Variants in SMAP1 observed in about 807,000 individuals in gnomAD.
SMAP1 encodes the protein stromal membrane-associated protein 1.
Under a neutral mutation model 58.5 loss-of-function variants are expected in SMAP1, and 24 were observed. The ratio of observed to expected loss-of-function variants is 0.41; its 90% CI spans 0.30 to 0.58. The LOEUF (loss-of-function observed/expected upper bound fraction) is 0.58. SMAP1 is among the 20% of genes least tolerant of loss of function. SMAP1 has a pLI of 0.29. For synonymous variants in SMAP1, 216 were observed against 196.6 expected, an observed-to-expected ratio of 1.10 and a Z score of -0.82; for missense variants, 563 against 566.3, an observed-to-expected ratio of 0.99 and a Z score of 0.06.
Position 70,783,784 on chromosome 6 carries a change from A to C in SMAP1, c.415-7905A>C, listed in dbSNP as rs185029219. Among the ~76,000 whole-genome samples the C allele has an allele frequency of 1.8e-3, 275 of 152,364 alleles. 1 individual carries two copies. Among genetic ancestry groups the C allele is most frequent in the African/African-American group, 6.0e-3 (248 of 41,588 alleles). On this transcript the variant is annotated intron_variant, in intron 4 of 10. Coordinates refer to ENST00000370455, the MANE Select transcript of SMAP1 (RefSeq NM_001044305.3). The stretch of plus-strand genomic sequence containing the variant: ...ATAAAAAGAAACGAACAAAGTCTCC[A>C]AGAAATATGGGACTATGTGAAAAGA...
intron 1 of SMAP1, among the ~76,000 whole-genome samples, chr6:70,710,079 C>G (rs1194324665): frequency 6.6e-6 from 1 of 152,080 alleles, no homozygotes; most frequent in Admixed American, 6.5e-5. Context: ...GCCTATTGCT[C>G]CTAGGCGACA....
At chr6:70,732,606 A>C (rs1391625349) in intron 2 of SMAP1, 95 bp downstream of exon 2, 4 of 1,140,224 alleles carry the variant, frequency 3.5e-6, no homozygotes, top group Admixed American at 7.5e-5. Flanking sequence ...ATTGAAAAGT[A>C]GTTTTGTATG....
intron 3 of SMAP1, among the ~76,000 whole-genome samples, chr6:70,765,744 T>TTTATTTTATTA (rs1323850804): frequency 6.6e-5 from 10 of 152,056 alleles, no homozygotes; most frequent in African/African-American, 2.2e-4. Context: ...TTTATTTATT[T>TTTATTTTATTA]TTATTTTATT....
intron 3 of SMAP1, among the ~76,000 whole-genome samples, chr6:70,760,430 A>G (rs1766701635): frequency 1.3e-5 from 2 of 152,128 alleles, no homozygotes; most frequent in African/African-American, 4.8e-5. Context: ...TACTTATGTT[A>G]AGAGTATAAG....
chr6:70,789,551 C>G (rs1768246882), intron 4 of SMAP1, among the ~76,000 whole-genome samples: 1 of 150,812 alleles, frequency 6.6e-6, no homozygotes, highest in South Asian at 2.1e-4. Context: ...GTTTTCTTTC[C>G]CAACTGGAAC....
rs557427670 is a variant in SMAP1 at position 70,722,322 on chromosome 6, C to T, written c.119-10056C>T. ...GAGAGCAAATTATTTTTGTTTTTGC[C>T]ATTTGACCCTTTCCAGAAACAGTAG... On this transcript the variant is annotated intron_variant, in intron 1 of 10. Transcript: ENST00000370455. Among the ~76,000 whole-genome samples the T allele has an allele frequency of 3.9e-5, 6 of 152,242 alleles. No homozygotes were observed. The East Asian group carries it at 1.2e-3, about 29-fold the overall frequency.
At chr6:70,791,354 A>G (rs901032458) in intron 4 of SMAP1, among the ~76,000 whole-genome samples, 1 of 152,156 alleles carries the variant, frequency 6.6e-6, no homozygotes, top group Admixed American at 6.6e-5. Flanking sequence ...TTGTATTTCA[A>G]TAGTCACGTC....
At chr6:70,768,665 T>C (rs1036053021) in intron 3 of SMAP1, among the ~76,000 whole-genome samples, 11 of 152,258 alleles carry the variant, frequency 7.2e-5, no homozygotes, top group African/African-American at 2.6e-4. Flanking sequence ...GTCTTGCTAG[T>C]GGTCTATCAA....
intron 4 of SMAP1, among the ~76,000 whole-genome samples, chr6:70,783,992 C>T (rs1297916836): frequency 6.6e-6 from 1 of 152,108 alleles, no homozygotes; most frequent in Admixed American, 6.5e-5. Context: ...CTCCAAGACA[C>T]ATAATTGTCA....
chr6:70,729,942 C>G (rs528751461), intron 1 of SMAP1, among the ~76,000 whole-genome samples: 1 of 152,300 alleles, frequency 6.6e-6, no homozygotes, highest in African/African-American at 2.4e-5. Flanking sequence ...AGGAGCTACT[C>G]TGGGGGTCAC....
intron 10 of SMAP1, chr6:70,859,199 T>C: frequency 1.7e-6 from 1 of 594,330 alleles, no homozygotes; most frequent in Admixed American, 3.3e-5. Flanking sequence ...CATTGGTCTC[T>C]ACCCGCTGGG....
chr6:70,823,862 C>A (rs1315343935), intron 6 of SMAP1, among the ~76,000 whole-genome samples: 1 of 150,070 alleles, frequency 6.7e-6, no homozygotes, highest in Non-Finnish European at 1.5e-5. Context: ...TCAGTTCCCC[C>A]TGCCAGAGCC....
At chr6:70,774,523 C>G (rs1174957780) in intron 4 of SMAP1, among the ~76,000 whole-genome samples, 1 of 151,970 alleles carries the variant, frequency 6.6e-6, no homozygotes, top group Non-Finnish European at 1.5e-5. Flanking sequence ...CAGTAAAATC[C>G]TAATAAAGTT....
intron 1 of SMAP1, among the ~76,000 whole-genome samples, chr6:70,677,474 A>G (rs752883435): frequency 5.1e-4 from 55 of 108,862 alleles, no homozygotes; most frequent in Non-Finnish European, 6.5e-4. Flanking sequence ...GTGGAGTGCC[A>G]GTGGCTCGAT....
Position 70,860,923 on chromosome 6 carries a change from T to C in SMAP1, c.*589T>C, listed in dbSNP as rs1321783362. ...TTACTCCAAAACTTCGTTTAATGAA[T>C]GCTTAAAGAATTCAAATTTTATCTG... On this transcript the variant is annotated 3_prime_UTR_variant, in exon 11 of 11. Coordinates refer to ENST00000370455, the MANE Select transcript of SMAP1 (RefSeq NM_001044305.3). The C allele has an allele frequency of 6.0e-5, 23 of 380,788 alleles. No individual in the cohort carries two copies. Among genetic ancestry groups the C allele is most frequent in the Non-Finnish European group, 9.3e-5 (20 of 214,698 alleles). The allele number at this position is 380,788 out of a possible 1,614,324, so 23.6% of individuals were successfully genotyped here.
At chr6:70,751,260 A>G (rs1766264483) in intron 2 of SMAP1, among the ~76,000 whole-genome samples, 1 of 152,152 alleles carries the variant, frequency 6.6e-6, no homozygotes, top group Non-Finnish European at 1.5e-5. Context: ...AATAAAAATA[A>G]AAATACGTTC....
intron 1 of SMAP1, chr6:70,668,523 C>G (rs965070859): frequency 1.3e-6 from 2 of 1,515,302 alleles, no homozygotes; most frequent in Admixed American, 2.1e-5. Context: ...TAGCTCTGCT[C>G]ATAGCTATCT....
At chr6:70,859,733 G>GTTGT (rs1771620174) in intron 10 of SMAP1, 1 of 186,910 alleles carries the variant, frequency 5.4e-6, no homozygotes, top group Non-Finnish European at 1.1e-5. Context: ...AGATGTTTAT[G>GTTGT]TTGTTAGATC....
At chr6:70,750,154 GT>G (rs933146780) in intron 2 of SMAP1, among the ~76,000 whole-genome samples, 1 of 152,030 alleles carries the variant, frequency 6.6e-6, no homozygotes, top group African/African-American at 2.4e-5. Context: ...TCAAGGTTCT[GT>G]TTTCAGTAAA....
Sources: gnomAD v4.1 joint callset for allele counts (sites outside exome capture counted in the v4.1 genomes callset) on GRCh38, gnomAD v4.1.1 for gene constraint, MANE v1.5 for transcripts, NCBI Gene and HGNC (gene_info 2026-07-23, HGNC 2026-07-21) for gene names.